SPAG5: variants seen among roughly 807,000 people sequenced by gnomAD.
The protein encoded by SPAG5 is sperm-associated antigen 5.
A neutral mutation model predicts 145.4 loss-of-function variants in SPAG5; 99 were observed. The ratio of observed to expected loss-of-function variants is 0.68; its 90% confidence interval spans 0.58 to 0.80. The LOEUF (loss-of-function observed/expected upper bound fraction) is 0.80. Among genes scored for constraint, SPAG5 ranks in the 30% least tolerant of loss-of-function variants. The pLI is 0.00. For synonymous variants in SPAG5, 477 were observed against 525.4 expected (o/e 0.91, Z 1.26); for missense variants, 1,192 against 1,416.0 (o/e 0.84, Z 2.54).
rs944422348 is a variant in SPAG5, at chr17:28,586,588, G to C, written c.1438-89C>G. ...GCTCTATCATCCAGACTGGAGTGCA[G>C]TGGCACAATCTCAGCTCACTGCAAC... is the stretch of plus-strand genomic sequence containing the variant. On this transcript the variant is annotated intron_variant, in intron 4 of 23. Transcript: ENST00000321765. The C allele has an allele frequency of 1.5e-5, 16 of 1,067,200 alleles. No homozygotes were observed. In the African/African-American group the frequency reaches 2.5e-4, roughly 17 times the overall value. The allele number at this position is 1,067,200 out of a possible 1,614,324, so 66.1% of individuals were successfully genotyped here. A position where few individuals can be genotyped will look rare whatever the true frequency, so the allele number is the denominator to read the frequency against.
At chr17:28,586,338 G>C in intron 5 of SPAG5, 87 bp downstream of exon 5, 1 of 1,255,946 alleles carries the variant, frequency 8.0e-7, no homozygotes, top group Non-Finnish European at 1.2e-6. Context: ...CCACGACTTA[G>C]TATCACCATC....
In SPAG5 at chr17:28,585,139, AG is replaced by A. The variant is rs1333041367; in HGVS notation, c.2029del (p.Leu677CysfsTer25). 6.2e-7 allele frequency: 1 copy of A among 1,614,080 alleles called. No homozygotes were observed. Among genetic ancestry groups the A allele is most frequent in the Non-Finnish European group, 8.5e-7 (1 of 1,180,044 alleles). ...CTCAATTGCCACATCACGTTCCTGC[AG>A]GGCTTGCTGGCTCTTGACTGTGAGT... ...EKLTVKSQQA[L>X]QERDVAIEEK... On this transcript the variant is annotated frameshift_variant, in exon 10 of 24. Coordinates refer to ENST00000321765, the MANE Select transcript of SPAG5 (RefSeq NM_006461.4). LOFTEE classifies it high-confidence loss of function.
chr17:28,585,807 G>A, intron 7 of SPAG5, 57 bp downstream of exon 7: 2 of 1,612,882 alleles, frequency 1.2e-6, no homozygotes, highest in African/African-American at 2.7e-5. Flanking sequence ...TTGTGTTCCT[G>A]CAGGAACCTT....
In SPAG5 at chr17:28,579,225, G is replaced by T; in HGVS notation, c.3033C>A (p.Ala1011=). The change falls in exon 19 of 24, where the codon GCC becomes GCA. Residue 1011 remains alanine (A), a synonymous_variant. Transcript: ENST00000321765. Reference sequence around the variant, plus strand: ...GGACTTCCTGATGCTGTTCTTCCTGGGCCTGCAGCCTAGCTTGCAGCTCAC... The same window carrying T: ...GGACTTCCTGATGCTGTTCTTCCTGTGCCTGCAGCCTAGCTTGCAGCTCAC... ...KICELQARLQ[A]QEEQHQEVQK... 1 of 1,614,108 alleles carries T rather than the reference G, an allele frequency of 6.2e-7. No individual in the cohort carries two copies. Among genetic ancestry groups the T allele is most frequent in the Non-Finnish European group, 8.5e-7 (1 of 1,180,034 alleles).
intron 17 of SPAG5, 111 bp downstream of exon 17, chr17:28,579,640 C>A: frequency 7.2e-7 from 1 of 1,385,816 alleles, no homozygotes; most frequent in Non-Finnish European, 1.0e-6. Flanking sequence ...ATAAAATGAG[C>A]CCAAGTAGAA....
intron 10 of SPAG5, 55 bp downstream of exon 10, chr17:28,585,047 T>C (rs936915735): frequency 3.5e-6 from 5 of 1,422,876 alleles, no homozygotes; most frequent in African/African-American, 1.4e-5. Context: ...AGGCTAATGG[T>C]ATCACACATT....
intron 2 of SPAG5, among the ~76,000 whole-genome samples, chr17:28,597,191 C>T (rs1168797843): frequency 1.3e-5 from 2 of 152,144 alleles, no homozygotes; most frequent in Non-Finnish European, 1.5e-5. Flanking sequence ...CCGAGGCGGG[C>T]GGACCACTTG....
Position 28,592,579 on chromosome 17 carries a change from C to T in SPAG5, c.665G>A (p.Ser222Asn). 1 of 1,614,222 alleles carries T rather than the reference C, an allele frequency of 6.2e-7. No homozygotes were observed. The highest frequency in any genetic ancestry group is 2.2e-5 in the East Asian group (1 of 44,890). ...CTCACGCACAGCCTCAGTTCTACTGCTCAGGCTTTCCTTGGAGCAATGTAG... is the reference window on the plus strand; with the variant it reads ...CTCACGCACAGCCTCAGTTCTACTGTTCAGGCTTTCCTTGGAGCAATGTAG... Reference protein sequence around the residue: ...EQLHCSKESLSSRTEAVREDL... With the variant: ...EQLHCSKESLNSRTEAVREDL... Residue 222 changes from serine (S) to asparagine (N), a missense_variant, in exon 3 of 24, where the codon AGC becomes AAC. Transcript: ENST00000321765.
chr17:28,592,315 G>A lies in SPAG5; in HGVS notation c.929C>T (p.Pro310Leu). The A allele has an allele frequency of 1.2e-6, 2 of 1,614,098 alleles. No homozygotes were observed. The highest frequency in any genetic ancestry group is 4.5e-5 in the East Asian group (2 of 44,878). ...VEDILSTCLTPNLVEMESQEA... is the reference protein window; with the variant it reads ...VEDILSTCLTLNLVEMESQEA... ...TTGGGATTCCATTTCTACTAGATTT[G>A]GTGTCAGGCATGTGGACAGAATATC... Residue 310 changes from proline (P) to leucine (L), a missense_variant, in exon 3 of 24, where the codon CCA becomes CTA. Coordinates refer to ENST00000321765, the MANE Select transcript of SPAG5 (RefSeq NM_006461.4).
At position 28,598,566 on chromosome 17, in the gene SPAG5, T is replaced by C. The variant is rs1465287242; in HGVS notation, c.121A>G (p.Lys41Glu). 3 of 1,613,896 alleles carry C rather than the reference T, an allele frequency of 1.9e-6. No individual in the cohort carries two copies. The highest frequency in any genetic ancestry group is 1.1e-5 in the South Asian group (1 of 91,038). ...AGCGAGGAGCAAGCGGGGGATCTTTTTCCAGAGTTGGTGAGGGCACCGGGC... is the reference window on the plus strand; with the variant it reads ...AGCGAGGAGCAAGCGGGGGATCTTTCTCCAGAGTTGGTGAGGGCACCGGGC... ...LQPGALTNSGKRSPACSSLTP... is the reference protein window; with the variant it reads ...LQPGALTNSGERSPACSSLTP... The change falls in exon 2 of 24, where the codon AAA becomes GAA. Residue 41 changes from lysine to glutamate, a missense_variant. By Grantham distance (56) the Lys-to-Glu change is moderately conservative. Around this residue, in one of 5 missense-constraint regions of SPAG5, gnomAD observed 329 missense variants for 354.0 expected, o/e 0.93. Coordinates refer to ENST00000321765, the MANE Select transcript of SPAG5 (RefSeq NM_006461.4).
chr17:28,592,163 G>A lies in SPAG5; in HGVS notation c.1081C>T (p.Gln361Ter). ...NTSVMLENLR[Q>*]SLSLPSMLRD... Reference sequence around the variant, plus strand: ...AGCATCGAGGGAAGGGATAAGCTTTGGCGGAGATTTTCCAGCATGACGGAG... The same window carrying A: ...AGCATCGAGGGAAGGGATAAGCTTTAGCGGAGATTTTCCAGCATGACGGAG... The change falls in exon 3 of 24, where the codon CAA becomes TAA. Residue 361 changes from glutamine to a stop codon, truncating the protein, a stop_gained. Transcript: ENST00000321765. LOFTEE classifies it high-confidence loss of function. 1 of 1,614,174 alleles carries A rather than the reference G, an allele frequency of 6.2e-7. No homozygotes were observed. The highest frequency in any genetic ancestry group is 8.5e-7 in the Non-Finnish European group (1 of 1,180,028).
At chr17:28,597,413 G>A (rs1213703759) in intron 2 of SPAG5, among the ~76,000 whole-genome samples, 3 of 152,142 alleles carry the variant, frequency 2.0e-5, no homozygotes, top group Non-Finnish European at 2.9e-5. Flanking sequence ...GCAAGACTCC[G>A]TCTCAAAAAC....
In SPAG5 at chr17:28,586,111, ATCT is replaced by A; in HGVS notation, c.1581_1583del (p.Glu527del). 1.9e-6 allele frequency: 3 copies of A among 1,614,156 alleles called. No homozygotes were observed. Among genetic ancestry groups the A allele is most frequent in the South Asian group, 1.1e-5 (1 of 91,086 alleles). ...TTACCTCCTGACTCACAGTAGTCTTATCTTCTTCTAAATGCAACAGGGATAGGT... is the reference window on the plus strand; with the variant it reads ...TTACCTCCTGACTCACAGTAGTCTTATCTTCTAAATGCAACAGGGATAGGT... On this transcript the variant is annotated inframe_deletion, in exon 6 of 24. Coordinates refer to ENST00000321765, the MANE Select transcript of SPAG5 (RefSeq NM_006461.4).
In SPAG5 at chr17:28,593,068, T is replaced by C. The variant is rs1209172089; in HGVS notation, c.178-2A>G. On this transcript the variant is annotated splice_acceptor_variant, in intron 2 of 23. Coordinates refer to ENST00000321765, the MANE Select transcript of SPAG5 (RefSeq NM_006461.4). LOFTEE classifies it high-confidence loss of function. ...TGGAGATGAGTTGTTGCTGCCTTCCTGCCAAAGGAAACAAAAGTAGTTGTC... is the reference window on the plus strand; with the variant it reads ...TGGAGATGAGTTGTTGCTGCCTTCCCGCCAAAGGAAACAAAAGTAGTTGTC... 1 of 1,611,672 alleles carries C rather than the reference T, an allele frequency of 6.2e-7. No homozygotes were observed. Among genetic ancestry groups the C allele is most frequent in the South Asian group, 1.1e-5 (1 of 90,972 alleles).
At chr17:28,582,852 TA>T (rs1443793506) in intron 15 of SPAG5, 1 of 152,166 alleles carries the variant, frequency 6.6e-6, no homozygotes, top group Non-Finnish European at 1.5e-5. Flanking sequence ...CAAGGAAAAT[TA>T]ATACAAATAC....
intron 22 of SPAG5, 57 bp from the exon 23 acceptor site, chr17:28,578,147 C>G (rs2070519596): frequency 6.2e-7 from 1 of 1,609,418 alleles, no homozygotes; most frequent in Non-Finnish European, 8.5e-7. Context: ...CTTGGTAGGA[C>G]AGGGGAAACA....
At chr17:28,578,643 C>T in intron 20 of SPAG5, 29 bp downstream of exon 20, 1 of 1,611,812 alleles carries the variant, frequency 6.2e-7, no homozygotes, top group Non-Finnish European at 8.5e-7. Context: ...ACACAGAAGG[C>T]AAAGGCCTGG....
intron 4 of SPAG5, among the ~76,000 whole-genome samples, chr17:28,589,768 T>C (rs2070608448): frequency 6.6e-6 from 1 of 151,870 alleles, no homozygotes; most frequent in South Asian, 2.1e-4. Context: ...AAAAATTAGG[T>C]AGGTGTGGTG....
chr17:28,594,985 C>T (rs548308269), intron 2 of SPAG5, among the ~76,000 whole-genome samples: 1 of 151,830 alleles, frequency 6.6e-6, no homozygotes, highest in East Asian at 1.9e-4. Flanking sequence ...AAAGACAGGG[C>T]ATGGTGGCTT....
Sources: gnomAD v4.1 joint callset for allele counts (sites outside exome capture counted in the v4.1 genomes callset) on GRCh38, gnomAD v4.1.1 for gene constraint, gnomAD v4.1.1 regional missense constraint, MANE v1.5 for transcripts, NCBI Gene and HGNC (gene_info 2026-07-23, HGNC 2026-07-21) for gene names.